The following YEATS2 variants were observed in gnomAD, a reference collection of about 807,000 sequenced individuals.
YEATS2 encodes YEATS domain containing 2.
Under a neutral mutation model 163.2 loss-of-function variants are expected in YEATS2, and 77 were observed. The observed-to-expected ratio is 0.47, with a 90% CI of 0.39 to 0.57. YEATS2 has a LOEUF of 0.57. Ranked by LOEUF, YEATS2 falls within the 20% of genes least tolerant of loss-of-function variation. The probability of loss-of-function intolerance (pLI) is 0.00; values close to 1 mark genes in which losing one functional copy is unlikely to be tolerated. For synonymous variants in YEATS2, 631 were observed against 645.1 expected (o/e 0.98, Z 0.33); for missense variants, 1,549 against 1,729.8 (o/e 0.90, Z 1.85).
At chr3:183,713,658 A>G (rs1354961422) in intron 1 of YEATS2, among the ~76,000 whole-genome samples, 4 of 152,256 alleles carry the variant, frequency 2.6e-5, no homozygotes, top group Admixed American at 6.5e-5. Context: ...ACTGGTCTGG[A>G]TGATATTTCT....
At chr3:183,772,842 C>T (rs1275492047) in intron 16 of YEATS2, among the ~76,000 whole-genome samples, 4 of 151,974 alleles carry the variant, frequency 2.6e-5, no homozygotes, top group African/African-American at 7.3e-5. Flanking sequence ...GTTCCAGGAC[C>T]CCCTGCTGCA....
At chr3:183,797,504 C>G (rs1725263580) in intron 21 of YEATS2, among the ~76,000 whole-genome samples, 2 of 151,638 alleles carry the variant, frequency 1.3e-5, no homozygotes, top group Admixed American at 1.3e-4. Flanking sequence ...ATGATTGTAC[C>G]ACTGCGCTTT....
rs776400010 is a variant in YEATS2 at position 183,772,375 on chromosome 3, A to G, written c.2018A>G (p.Gln673Arg). 3 of 1,614,236 alleles carry G rather than the reference A, an allele frequency of 1.9e-6. No individual in the cohort carries two copies. The highest frequency in any genetic ancestry group is 2.5e-6 in the Non-Finnish European group (3 of 1,180,042). Residue 673 changes from glutamine (Q) to arginine (R), a missense_variant, in exon 16 of 31, where the codon CAG becomes CGG. By Grantham distance (43) the Gln-to-Arg change is conservative. Coordinates refer to ENST00000305135, the MANE Select transcript of YEATS2 (RefSeq NM_018023.5). ...VKQAVAISGG[Q>R]ILVAKASSSV... ...CAGGCTGTGGCGATCAGTGGTGGCC[A>G]GATCCTGGTAGCCAAGGCCAGCTCT...
At position 183,724,456 on chromosome 3, in the gene YEATS2, A is replaced by G. The variant is rs138723729; in HGVS notation, c.575A>G (p.Gln192Arg). Reference sequence around the variant, plus strand: ...ATTACTGGCTCCCATAAAACAGAACAGCGGAATGCTGATCTCACAGATGAG... The same window carrying G: ...ATTACTGGCTCCCATAAAACAGAACGGCGGAATGCTGATCTCACAGATGAG... ...SRITGSHKTE[Q>R]RNADLTDETS... The change falls in exon 6 of 31, where the codon CAG (glutamine) becomes CGG (arginine). Residue 192 changes from glutamine to arginine, a missense_variant. Gln to Arg is a conservative substitution (Grantham distance 43, BLOSUM62 1). Coordinates refer to ENST00000305135, the MANE Select transcript of YEATS2 (RefSeq NM_018023.5). 195 of 1,613,788 alleles carry G rather than the reference A, an allele frequency of 1.2e-4. 2 individuals are homozygous for G. The African/African-American group carries it at 2.2e-3, about 18-fold the overall frequency.
chr3:183,785,000 G>A (rs1723922201), intron 19 of YEATS2, among the ~76,000 whole-genome samples: 1 of 151,812 alleles, frequency 6.6e-6, no homozygotes, highest in African/African-American at 2.4e-5. Flanking sequence ...TTGAACCCAG[G>A]AGGCAGAGGT....
At chr3:183,773,535 G>A (rs1942476468) in intron 16 of YEATS2, 98 bp from the exon 17 acceptor site, 1 of 1,175,336 alleles carries the variant, frequency 8.5e-7, no homozygotes. Flanking sequence ...TTGCTTGTTA[G>A]TGTTCTAAAA....
At chr3:183,783,740 A>G (rs773943213) in intron 19 of YEATS2, among the ~76,000 whole-genome samples, 66 of 152,172 alleles carry the variant, frequency 4.3e-4, no homozygotes, top group Non-Finnish European at 1.3e-4. Flanking sequence ...TTACCTTTTC[A>G]TGGCTGTGTG....
intron 5 of YEATS2, among the ~76,000 whole-genome samples, chr3:183,722,601 T>C (rs1716639831): frequency 6.6e-6 from 1 of 151,330 alleles, no homozygotes; most frequent in African/African-American, 2.4e-5. Flanking sequence ...AAACCAAATC[T>C]TGATTTGGTT....
At chr3:183,723,311 C>T (rs923142483) in intron 5 of YEATS2, among the ~76,000 whole-genome samples, 1 of 152,174 alleles carries the variant, frequency 6.6e-6, no homozygotes, top group Non-Finnish European at 1.5e-5. Flanking sequence ...TGGATTAGAG[C>T]AGCGATTTTT....
chr3:183,794,825 G>C (rs1229655063), intron 21 of YEATS2, among the ~76,000 whole-genome samples: 1 of 151,920 alleles, frequency 6.6e-6, no homozygotes, highest in African/African-American at 2.4e-5. Flanking sequence ...CCCTTTTCTG[G>C]GCCCCATCTA....
chr3:183,788,789 A>G (rs1376957521), intron 20 of YEATS2, among the ~76,000 whole-genome samples: 1 of 152,186 alleles, frequency 6.6e-6, no homozygotes, highest in Non-Finnish European at 1.5e-5. Context: ...CCCTCTTCAC[A>G]TCCTCGCCAG....
At chr3:183,700,598 C>CTTTTT (rs748017835) in intron 1 of YEATS2, among the ~76,000 whole-genome samples, 7 of 126,608 alleles carry the variant, frequency 5.5e-5, no homozygotes, top group South Asian at 2.4e-4. Flanking sequence ...TCTTTTCTTT[C>CTTTTT]TTTTTTTTTT....
chr3:183,783,480 C>CT (rs1438471756), intron 19 of YEATS2, among the ~76,000 whole-genome samples: 1 of 152,180 alleles, frequency 6.6e-6, no homozygotes, highest in Non-Finnish European at 1.5e-5. Flanking sequence ...GATGCTGAGG[C>CT]TAGGGTCATG....
chr3:183,758,725 C>G, intron 12 of YEATS2, 137 bp from the exon 13 acceptor site: 1 of 673,146 alleles, frequency 1.5e-6, no homozygotes, highest in Non-Finnish European at 2.6e-6. Context: ...ATACTAGTTT[C>G]AGCCTTAACA....
At chr3:183,785,255 A>T (rs1485697441) in intron 19 of YEATS2, among the ~76,000 whole-genome samples, 1 of 152,050 alleles carries the variant, frequency 6.6e-6, no homozygotes, top group African/African-American at 2.4e-5. Flanking sequence ...TGGGAGGCTG[A>T]GGTGGGCAGA....
At position 183,804,264 on chromosome 3, in the gene YEATS2, TG is replaced by T; in HGVS notation, c.3784+78del. The T allele has an allele frequency of 3.2e-6, 5 of 1,558,996 alleles. No individual in the cohort carries two copies. In the South Asian group the frequency reaches 5.8e-5, roughly 18 times the overall value. On this transcript the variant is annotated intron_variant, in intron 27 of 30. Transcript: ENST00000305135. Reference sequence around the variant, plus strand: ...GCTGAGGTAGAGAGAGATGAGGACTTGGAAGAGTTGCTGTAGAGAACGAGAG... The same window carrying T: ...GCTGAGGTAGAGAGAGATGAGGACTTGAAGAGTTGCTGTAGAGAACGAGAG...
intron 1 of YEATS2, among the ~76,000 whole-genome samples, chr3:183,708,882 C>T (rs1389028397): frequency 6.6e-6 from 1 of 151,728 alleles, no homozygotes; most frequent in Non-Finnish European, 1.5e-5. Context: ...TTTTTTTTGG[C>T]CAGGCGCGGT....
At chr3:183,795,098 G>C (rs562511269) in intron 21 of YEATS2, among the ~76,000 whole-genome samples, 1 of 150,860 alleles carries the variant, frequency 6.6e-6, no homozygotes, top group Non-Finnish European at 1.5e-5. Flanking sequence ...ACCCTGGGAG[G>C]TCGAGGTTGC....
chr3:183,737,494 G>C (rs1220316380), intron 8 of YEATS2, among the ~76,000 whole-genome samples: 1 of 152,210 alleles, frequency 6.6e-6, no homozygotes. Context: ...AAAGTGGTCA[G>C]ATAATCAGAA....
Sources: allele counts gnomAD v4.1 joint callset (sites outside exome capture counted in the v4.1 genomes callset), GRCh38; gene constraint gnomAD v4.1.1; transcripts MANE v1.5; gene names NCBI Gene and HGNC (gene_info 2026-07-23, HGNC 2026-07-21).